PRKN: variants seen among roughly 807,000 people sequenced by gnomAD.
PRKN encodes the protein E3 ubiquitin-protein ligase parkin.
A neutral mutation model predicts 59.5 loss-of-function variants in PRKN; 56 were observed. The observed-to-expected ratio is 0.94, with a 90% CI of 0.76 to 1.18. The LOEUF (loss-of-function observed/expected upper bound fraction) is 1.18. Among genes scored for constraint, PRKN ranks in the 50% most tolerant of loss-of-function variants. The probability of loss-of-function intolerance (pLI) is 0.00; values close to 1 mark genes in which losing one functional copy is unlikely to be tolerated. For synonymous variants in PRKN, 250 were observed against 222.1 expected, an observed-to-expected ratio of 1.13 and a Z score of -1.12; for missense variants, 657 against 596.4, an observed-to-expected ratio of 1.10 and a Z score of -1.06.
intron 3 of PRKN, among the ~76,000 whole-genome samples, chr6:162,221,741 T>C (rs533162630): frequency 6.6e-6 from 1 of 152,100 alleles, no homozygotes; most frequent in Non-Finnish European, 1.5e-5. Flanking sequence ...GATGTAAATA[T>C]TCAGGTAAAA....
chr6:162,163,787 T>A (rs1782860361), intron 4 of PRKN, among the ~76,000 whole-genome samples: 1 of 141,598 alleles, frequency 7.1e-6, no homozygotes, highest in Non-Finnish European at 1.5e-5. Context: ...TTTATATCCA[T>A]GCTGCAATGA....
Position 161,470,131 on chromosome 6 carries a change from C to T in PRKN, c.1083+78723G>A, listed in dbSNP as rs1260709113. Among the ~76,000 whole-genome samples, 4 of 152,138 alleles carry T rather than the reference C, an allele frequency of 2.6e-5. No individual in the cohort carries two copies. Among genetic ancestry groups the T allele is most frequent in the Non-Finnish European group, 4.4e-5 (3 of 68,022 alleles). ...AGTTAATTTGCTCAAAATTGCATAG[C>T]TAGGAAGTGAACTCTGGCTAGGGTC... On this transcript the variant is annotated intron_variant, in intron 9 of 11. Coordinates refer to ENST00000366898, the MANE Select transcript of PRKN (RefSeq NM_004562.3). This position sits in a 1 kb window ranked among gnomAD's most constrained non-coding sequence, Gnocchi z 5.1.
chr6:161,364,168 CAAAAAAAAAAAAA>C (rs71004043), intron 10 of PRKN, among the ~76,000 whole-genome samples: 1 of 74,416 alleles, frequency 1.3e-5, no homozygotes, highest in African/African-American at 4.3e-5. Flanking sequence ...GACTCCGTCT[CAAAAAAAAAAAAA>C]AAAAAAGAAA....
chr6:161,727,549 G>A (rs1787494200), intron 7 of PRKN, among the ~76,000 whole-genome samples: 2 of 152,226 alleles, frequency 1.3e-5, no homozygotes, highest in South Asian at 4.1e-4. Context: ...TGTAGAGAAA[G>A]TCTGCAGCAT....
chr6:162,047,935 A>G (rs1390432094), intron 5 of PRKN, among the ~76,000 whole-genome samples: 1 of 152,238 alleles, frequency 6.6e-6, no homozygotes, highest in East Asian at 1.9e-4. Context: ...CATGTTGAGT[A>G]AGATGAAAAC....
In PRKN at chr6:162,043,089, G is replaced by A. The variant is rs543580466; in HGVS notation, c.618+11002C>T. Among the ~76,000 whole-genome samples the A allele has an allele frequency of 1.9e-3, 286 of 152,222 alleles. 1 individual carries two copies. The highest frequency in any genetic ancestry group is 6.8e-3 in the African/African-American group (282 of 41,542). ...ATGGCAGTGGCAAGAGAAAAATGAG[G>A]AAGAAGCAAAAGCAGAAACCCCTGA... On this transcript the variant is annotated intron_variant, in intron 5 of 11. Transcript: ENST00000366898.
At chr6:162,211,200 G>A (rs368984225) in intron 3 of PRKN, among the ~76,000 whole-genome samples, 1 of 152,050 alleles carries the variant, frequency 6.6e-6, no homozygotes, top group African/African-American at 2.4e-5. Context: ...CACACAGATC[G>A]GCAATTATGG....
At chr6:161,856,178 G>C (rs549118755) in intron 6 of PRKN, among the ~76,000 whole-genome samples, 1 of 152,032 alleles carries the variant, frequency 6.6e-6, no homozygotes, top group Non-Finnish European at 1.5e-5. Context: ...TGGTCAACAC[G>C]GTGAAACCCA....
chr6:161,535,652 C>T (rs1399032734), intron 9 of PRKN, among the ~76,000 whole-genome samples: 2 of 152,210 alleles, frequency 1.3e-5, no homozygotes, highest in African/African-American at 2.4e-5. Flanking sequence ...AATACGAGTA[C>T]GATGTTGTGT....
chr6:161,741,733 G>A (rs116405208), intron 7 of PRKN, among the ~76,000 whole-genome samples: 3,915 of 152,114 alleles, frequency 0.026, 179 homozygotes, highest in African/African-American at 0.09. Flanking sequence ...CGGGAAGGAC[G>A]TTACTTACAC....
chr6:162,664,159 C>T (rs1275660804), intron 1 of PRKN, among the ~76,000 whole-genome samples: 1 of 152,104 alleles, frequency 6.6e-6, no homozygotes, highest in Non-Finnish European at 1.5e-5. Flanking sequence ...TTTTCTCTTC[C>T]TGTGTTAGTT....
At chr6:162,239,271 C>T (rs1778883520) in intron 3 of PRKN, among the ~76,000 whole-genome samples, 1 of 152,094 alleles carries the variant, frequency 6.6e-6, no homozygotes, top group Admixed American at 6.5e-5. Context: ...CGACTCATCT[C>T]CCCAGATTTT....
At chr6:161,962,563 C>T (rs537513466) in intron 6 of PRKN, among the ~76,000 whole-genome samples, 3 of 139,320 alleles carry the variant, frequency 2.2e-5, no homozygotes, top group African/African-American at 8.2e-5. Context: ...TTTTTTGAGA[C>T]GGAGTCTCGC....
At chr6:161,702,828 C>A (rs901382064) in intron 7 of PRKN, among the ~76,000 whole-genome samples, 1 of 151,916 alleles carries the variant, frequency 6.6e-6, no homozygotes, top group Admixed American at 6.6e-5. Context: ...GCAAATAATT[C>A]TGAGGCCTGA....
In PRKN at chr6:161,385,800, T is replaced by C. The variant is rs1786215019; in HGVS notation, c.1167+994A>G. Among the ~76,000 whole-genome samples the C allele has an allele frequency of 6.6e-6, 1 of 152,144 alleles. No homozygotes were observed. Among genetic ancestry groups the C allele is most frequent in the Non-Finnish European group, 1.5e-5 (1 of 68,024 alleles). On this transcript the variant is annotated intron_variant, in intron 10 of 11. Transcript: ENST00000366898. The surrounding 1 kb of genome is among the most constrained non-coding windows in gnomAD (Gnocchi z 4.9). Reference sequence around the variant, plus strand: ...GAATGTCCCTGAGCTAAAATAAAATTAACAGAAAGAGCATTTGCTGCCTGG... The same window carrying C: ...GAATGTCCCTGAGCTAAAATAAAATCAACAGAAAGAGCATTTGCTGCCTGG...
chr6:162,590,407 C>A lies in PRKN; in HGVS notation c.7+137255G>T, dbSNP rs148748795. Among the ~76,000 whole-genome samples, 120 of 152,306 alleles carry A rather than the reference C, an allele frequency of 7.9e-4. 2 individuals are homozygous for A. The highest frequency in any genetic ancestry group is 2.8e-3 in the African/African-American group (115 of 41,578). ...GCAAAAGTAATGACCTTAATTCCAA[C>A]TTTGTATCAACCTTAATCTATCTGC... is the stretch of plus-strand genomic sequence containing the variant. On this transcript the variant is annotated intron_variant, in intron 1 of 11. Coordinates refer to ENST00000366898, the MANE Select transcript of PRKN (RefSeq NM_004562.3).
At chr6:162,339,387 TG>T (rs1387162141) in intron 2 of PRKN, among the ~76,000 whole-genome samples, 1 of 108,444 alleles carries the variant, frequency 9.2e-6, no homozygotes, top group Non-Finnish European at 1.9e-5. Flanking sequence ...GGGAGGGAGG[TG>T]GGGGGGTCAG....
At chr6:161,800,474 A>G (rs1438863386) in intron 6 of PRKN, among the ~76,000 whole-genome samples, 2 of 152,208 alleles carry the variant, frequency 1.3e-5, no homozygotes, top group African/African-American at 4.8e-5. Flanking sequence ...TTAAATGATA[A>G]TGAGCCTGGT....
chr6:162,227,383 T>A (rs1434948914), intron 3 of PRKN, among the ~76,000 whole-genome samples: 1 of 152,178 alleles, frequency 6.6e-6, no homozygotes, highest in African/African-American at 2.4e-5. Context: ...AGCTACTTTT[T>A]TTTTCTCTCT....
Sources: gnomAD v4.1 joint callset for allele counts (sites outside exome capture counted in the v4.1 genomes callset) on GRCh38, gnomAD v4.1.1 for gene constraint, Gnocchi (gnomAD v3.1) non-coding constraint, MANE v1.5 for transcripts, NCBI Gene and HGNC (gene_info 2026-07-23, HGNC 2026-07-21) for gene names.